The following PTPRD variants were observed in gnomAD, a reference collection of about 807,000 sequenced individuals.
PTPRD encodes the protein receptor-type tyrosine-protein phosphatase delta.
In PTPRD, 34 loss-of-function variants were observed where a neutral mutation model predicts 214.5. The ratio of observed to expected loss-of-function variants is 0.16; its 90% CI spans 0.12 to 0.21. The LOEUF (loss-of-function observed/expected upper bound fraction) is 0.21. Ranked by LOEUF, PTPRD falls within the 10% of genes least tolerant of loss-of-function variation. PTPRD has a pLI of 1.00. For missense variants in PTPRD, 2,545 were observed against 2,398.7 expected, an observed-to-expected ratio of 1.06 and a Z score of -1.27; for synonymous variants, 1,128 against 845.7, an observed-to-expected ratio of 1.33 and a Z score of -5.79.
At chr9:10,530,158 T>C (rs1296895572) in intron 2 of PTPRD, among the ~76,000 whole-genome samples, 2 of 152,186 alleles carry the variant, frequency 1.3e-5, no homozygotes, top group Non-Finnish European at 2.9e-5. Context: ...TCTTCTAAAA[T>C]AAAGTCTATA....
intron 41 of PTPRD, among the ~76,000 whole-genome samples, 158 bp from the exon 42 acceptor site, chr9:8,340,627 G>A (rs1588113368): frequency 6.6e-6 from 1 of 152,026 alleles, no homozygotes; most frequent in Non-Finnish European, 1.5e-5. Flanking sequence ...TCAAATAAGA[G>A]CATTTAATAC....
intron 7 of PTPRD, among the ~76,000 whole-genome samples, chr9:9,599,847 A>G (rs1374450272): frequency 6.6e-6 from 1 of 152,100 alleles, no homozygotes; most frequent in Non-Finnish European, 1.5e-5. Flanking sequence ...TATTAGTCAA[A>G]TAAAGAATAT....
At chr9:8,331,525 C>T (rs1171794535) in intron 44 of PTPRD, 57 bp downstream of exon 44, 1 of 1,579,554 alleles carries the variant, frequency 6.3e-7, no homozygotes, top group Non-Finnish European at 8.6e-7. Flanking sequence ...AAAGTGTATA[C>T]AGACAATGAA....
In PTPRD at chr9:9,817,964, G is replaced by T. The variant is rs1237384801; in HGVS notation, c.-367-51113C>A. On this transcript the variant is annotated intron_variant, in intron 5 of 45. Coordinates refer to ENST00000381196, the MANE Select transcript of PTPRD (RefSeq NM_002839.4). ...GGCATTTTAGGTATAGAGTCAAAAT[G>T]TTGATCTCCTGAGGGACTTTCTTCA... is the stretch of plus-strand genomic sequence containing the variant. 2.0e-5 allele frequency among the ~76,000 whole-genome samples: 3 copies of T among 152,124 alleles called. No homozygotes were observed. In the South Asian group the frequency reaches 6.2e-4, roughly 32 times the overall value.
intron 9 of PTPRD, among the ~76,000 whole-genome samples, chr9:9,266,454 C>T (rs139477608): frequency 1.3e-5 from 2 of 151,068 alleles, no homozygotes; most frequent in Non-Finnish European, 3.0e-5. Flanking sequence ...ACACATTCTT[C>T]CAAAGAACAC....
At chr9:9,701,777 C>T (rs1002262407) in intron 7 of PTPRD, among the ~76,000 whole-genome samples, 4 of 152,050 alleles carry the variant, frequency 2.6e-5, no homozygotes, top group African/African-American at 9.7e-5. Context: ...ACGAGAGTTT[C>T]AGAGGGAAGA....
chr9:9,097,255 C>G lies in PTPRD; in HGVS notation c.-142-78520G>C, dbSNP rs144751762. Among the ~76,000 whole-genome samples, 94 of 152,206 alleles carry G rather than the reference C, an allele frequency of 6.2e-4. 1 individual carries two copies. In the East Asian group the frequency reaches 0.017, roughly 27 times the overall value. On this transcript the variant is annotated intron_variant, in intron 10 of 45. Coordinates refer to ENST00000381196, the MANE Select transcript of PTPRD (RefSeq NM_002839.4). The stretch of plus-strand genomic sequence containing the variant: ...GACTTGAGAAAATCTGTCCTGAAAA[C>G]AAATGCAGTATCAGCACTATAATGA...
intron 2 of PTPRD, among the ~76,000 whole-genome samples, chr9:10,519,013 C>G (rs578055565): frequency 6.6e-6 from 1 of 151,870 alleles, no homozygotes; most frequent in Admixed American, 6.6e-5. Context: ...ACTCTTATCT[C>G]CTATTTTCAG....
intron 2 of PTPRD, among the ~76,000 whole-genome samples, chr9:10,442,010 TA>T (rs1468721186): frequency 6.6e-6 from 1 of 151,662 alleles, no homozygotes; most frequent in African/African-American, 2.4e-5. Context: ...GCTTATTTTT[TA>T]TTTTAGTATA....
chr9:8,317,801 C>T lies in PTPRD; in HGVS notation c.*73G>A. ...AAGTTAAGAAGGACTTCTCAAGTGC[C>T]CTGTATGGCTCAGAAGAGACTCCAT... On this transcript the variant is annotated 3_prime_UTR_variant, in exon 46 of 46. Coordinates refer to ENST00000381196, the MANE Select transcript of PTPRD (RefSeq NM_002839.4). 2 of 1,378,322 alleles carry T rather than the reference C, an allele frequency of 1.5e-6. No homozygotes were observed. The highest frequency in any genetic ancestry group is 2.1e-6 in the Non-Finnish European group (2 of 968,884). The allele number at this position is 1,378,322 out of a possible 1,614,324, so 85.4% of individuals were successfully genotyped here.
intron 2 of PTPRD, among the ~76,000 whole-genome samples, chr9:10,449,724 C>G (rs1231467671): frequency 6.8e-6 from 1 of 146,360 alleles, no homozygotes; most frequent in Non-Finnish European, 1.5e-5. Context: ...GCCCGGCAGC[C>G]ACCCCATCTG....
intron 3 of PTPRD, among the ~76,000 whole-genome samples, chr9:10,244,276 C>T (rs2091684655): frequency 6.6e-6 from 1 of 152,096 alleles, no homozygotes. Flanking sequence ...ATATTTGTTT[C>T]AATGCATCCT....
At chr9:9,758,361 T>C (rs2154473458) in intron 6 of PTPRD, among the ~76,000 whole-genome samples, 1 of 152,274 alleles carries the variant, frequency 6.6e-6, no homozygotes, top group East Asian at 1.9e-4. Flanking sequence ...TTCTCATATG[T>C]GAAGACTGCT....
chr9:9,976,384 ATATT>A (rs1416760279), intron 4 of PTPRD, among the ~76,000 whole-genome samples: 3 of 151,890 alleles, frequency 2.0e-5, no homozygotes, highest in Non-Finnish European at 4.4e-5. Context: ...GTGATTAACT[ATATT>A]TATTTTTATT....
intron 9 of PTPRD, among the ~76,000 whole-genome samples, chr9:9,211,677 T>C (rs1483617415): frequency 2.6e-5 from 4 of 152,206 alleles, no homozygotes. Flanking sequence ...AACAATTACA[T>C]GTAACATGTT....
chr9:8,962,919 C>T (rs1433024702), intron 11 of PTPRD: 1 of 152,036 alleles, frequency 6.6e-6, no homozygotes, highest in East Asian at 1.9e-4. Flanking sequence ...CAATGTGGCT[C>T]TTAGGAACTG....
intron 7 of PTPRD, among the ~76,000 whole-genome samples, chr9:9,616,361 G>A (rs1436069795): frequency 6.6e-6 from 1 of 152,036 alleles, no homozygotes; most frequent in East Asian, 1.9e-4. Context: ...TTTCTCCTTT[G>A]CCTGTTACTG....
At chr9:10,277,586 A>AAAT (rs1364387290) in intron 3 of PTPRD, among the ~76,000 whole-genome samples, 1 of 152,084 alleles carries the variant, frequency 6.6e-6, no homozygotes, top group Non-Finnish European at 1.5e-5. Flanking sequence ...AAAATTCAAT[A>AAAT]AATACTGGCT....
At chr9:9,502,045 C>T (rs962807344) in intron 8 of PTPRD, among the ~76,000 whole-genome samples, 7 of 151,750 alleles carry the variant, frequency 4.6e-5, no homozygotes, top group African/African-American at 1.7e-4. Context: ...CCCATGAAAC[C>T]ACTACCACAA....
Sources: gnomAD v4.1 joint callset for allele counts (sites outside exome capture counted in the v4.1 genomes callset) on GRCh38, gnomAD v4.1.1 for gene constraint, MANE v1.5 for transcripts, NCBI Gene and HGNC (gene_info 2026-07-23, HGNC 2026-07-21) for gene names.